The following PDCD6IP variants were observed in gnomAD, a reference collection of about 807,000 sequenced individuals.
The protein encoded by PDCD6IP is programmed cell death 6-interacting protein.
PDCD6IP carries 43 observed loss-of-function variants against 103.7 expected under a neutral mutation model. The observed-to-expected ratio is 0.41, with a 90% confidence interval of 0.32 to 0.53. The LOEUF (loss-of-function observed/expected upper bound fraction) is 0.53, where lower values mean the gene tolerates loss of function less well. Ranked by LOEUF, PDCD6IP falls within the 20% of genes least tolerant of loss-of-function variation. PDCD6IP has a pLI of 0.16. For synonymous variants in PDCD6IP, 354 were observed against 378.7 expected, an observed-to-expected ratio of 0.93 and a Z score of 0.76; for missense variants, 871 against 1,036.7, an observed-to-expected ratio of 0.84 and a Z score of 2.20.
intron 1 of PDCD6IP, among the ~76,000 whole-genome samples, chr3:33,808,366 T>C (rs1478367076): frequency 1.3e-5 from 2 of 152,196 alleles, no homozygotes; most frequent in East Asian, 1.9e-4. Context: ...CTTGACCTCC[T>C]GGGCTCAAGT....
Position 33,852,590 on chromosome 3 carries a change from A to G in PDCD6IP, c.1744A>G (p.Ser582Gly). 1 of 1,597,630 alleles carries G rather than the reference A, an allele frequency of 6.3e-7. No individual in the cohort carries two copies. Among genetic ancestry groups the G allele is most frequent in the Middle Eastern group, 1.7e-4 (1 of 5,936 alleles). ...DLKSVNFDMT[S>G]KFLTALAQDG... ...GAAATCTGTGAATTTTGACATGACA[A>G]GCAAGTTTTTGACAGCCCTGGCTCA... is the stretch of plus-strand genomic sequence containing the variant. The change falls in exon 13 of 18, where the codon AGC becomes GGC. Residue 582 changes from serine (S) to glycine (G), a missense_variant. Ser to Gly is a moderately conservative substitution (Grantham distance 56). Around this residue, in one of 5 missense-constraint regions of PDCD6IP, gnomAD observed 266 missense variants for 390.5 expected, o/e 0.68. Transcript: ENST00000307296.
intron 12 of PDCD6IP, among the ~76,000 whole-genome samples, chr3:33,848,259 A>G (rs1697637329): frequency 6.6e-6 from 1 of 151,954 alleles, no homozygotes; most frequent in African/African-American, 2.4e-5. Context: ...GAGACAAAAA[A>G]CTCCTCTAGG....
chr3:33,847,977 C>A (rs4679091), intron 12 of PDCD6IP, among the ~76,000 whole-genome samples: 21,169 of 150,080 alleles, frequency 0.14, 1,923 homozygotes, highest in East Asian at 0.39. Context: ...GAGGGGGTAC[C>A]TTTAAAAAAA....
At chr3:33,829,855 C>G (rs1265415621) in intron 7 of PDCD6IP, among the ~76,000 whole-genome samples, 1 of 152,102 alleles carries the variant, frequency 6.6e-6, no homozygotes, top group Non-Finnish European at 1.5e-5. Context: ...TATCAAGGTG[C>G]TGGCATCTGG....
intron 15 of PDCD6IP, among the ~76,000 whole-genome samples, chr3:33,863,061 T>A (rs1274660109): frequency 6.6e-6 from 1 of 152,208 alleles, no homozygotes; most frequent in East Asian, 1.9e-4. Context: ...ATTTTGTTTT[T>A]TTCAGTTTTT....
intron 1 of PDCD6IP, chr3:33,811,144 C>T (rs562494892): frequency 2.4e-6 from 1 of 416,740 alleles, no homozygotes; most frequent in South Asian, 1.8e-5. Context: ...CTCAGCCTCC[C>T]AGAGTGCTAG....
chr3:33,847,056 G>T (rs1383884024), intron 12 of PDCD6IP, among the ~76,000 whole-genome samples: 1 of 152,202 alleles, frequency 6.6e-6, no homozygotes, highest in Non-Finnish European at 1.5e-5. Flanking sequence ...GTGGTCAGAA[G>T]ATTAACTTGT....
rs557906315 is a variant in PDCD6IP at position 33,868,005 on chromosome 3, G to T, written c.*1480G>T. The stretch of plus-strand genomic sequence containing the variant: ...ATATGTATATTTTAAACTTTGTTGT[G>T]TGTAGGAAACATGAAGGCATGTTAA... On this transcript the variant is annotated 3_prime_UTR_variant, in exon 18 of 18. Transcript: ENST00000307296. The T allele has an allele frequency of 4.6e-5, 7 of 152,294 alleles. No homozygotes were observed. The South Asian group carries it at 1.4e-3, about 32-fold the overall frequency. The allele number at this position is 152,294 out of a possible 1,614,324, so 9.4% of individuals were successfully genotyped here. A position where few individuals can be genotyped will look rare whatever the true frequency, so the allele number is the denominator to read the frequency against.
intron 3 of PDCD6IP, 42 bp from the exon 4 acceptor site, chr3:33,821,913 A>G: frequency 6.4e-7 from 1 of 1,572,790 alleles, no homozygotes; most frequent in Non-Finnish European, 8.7e-7. Context: ...TTTTCTTTAG[A>G]AAAAATAATC....
At chr3:33,839,152 A>G (rs761882762) in intron 9 of PDCD6IP, among the ~76,000 whole-genome samples, 2 of 152,202 alleles carry the variant, frequency 1.3e-5, no homozygotes. Flanking sequence ...AACCGGCACT[A>G]TGATTAAGTT....
chr3:33,860,590 G>T (rs1297203551), intron 15 of PDCD6IP, among the ~76,000 whole-genome samples: 1 of 152,130 alleles, frequency 6.6e-6, no homozygotes, highest in East Asian at 1.9e-4. Flanking sequence ...TAACTTGTAA[G>T]AACATAGATT....
intron 15 of PDCD6IP, among the ~76,000 whole-genome samples, chr3:33,857,492 T>TA (rs914147551): frequency 2.6e-5 from 4 of 152,104 alleles, no homozygotes; most frequent in African/African-American, 4.8e-5. Flanking sequence ...GTCTTAATGA[T>TA]AAAAAAACCT....
At chr3:33,839,503 T>C (rs1183276635) in intron 9 of PDCD6IP, among the ~76,000 whole-genome samples, 1 of 125,002 alleles carries the variant, frequency 8.0e-6, no homozygotes, top group African/African-American at 3.0e-5. Context: ...CAGTATTCCA[T>C]TTTATGGTTA....
intron 1 of PDCD6IP, among the ~76,000 whole-genome samples, chr3:33,806,738 A>T (rs1292436861): frequency 2.0e-5 from 3 of 152,182 alleles, no homozygotes; most frequent in East Asian, 3.9e-4. Flanking sequence ...GTTTCTGTGG[A>T]TTCCCTATCT....
At chr3:33,841,825 A>C (rs1039727218) in intron 9 of PDCD6IP, 72 bp from the exon 10 acceptor site, 19 of 990,190 alleles carry the variant, frequency 1.9e-5, no homozygotes, top group Middle Eastern at 2.5e-4. Flanking sequence ...ATACTAAATT[A>C]AATAAAGTAA....
chr3:33,822,578 T>C (rs1697017143), intron 4 of PDCD6IP, among the ~76,000 whole-genome samples: 1 of 152,232 alleles, frequency 6.6e-6, no homozygotes, highest in Non-Finnish European at 1.5e-5. Context: ...CACATAATGT[T>C]CATAAGTTGC....
At chr3:33,821,862 C>T (rs553568564) in intron 3 of PDCD6IP, 93 bp from the exon 4 acceptor site, 21 of 1,191,902 alleles carry the variant, frequency 1.8e-5, no homozygotes, top group Admixed American at 7.6e-5. Context: ...TGAGAGTCAG[C>T]GGGATGAGAG....
intron 3 of PDCD6IP, among the ~76,000 whole-genome samples, chr3:33,814,738 C>CAT (rs1248903625): frequency 2.1e-5 from 3 of 143,956 alleles, no homozygotes; most frequent in Admixed American, 1.4e-4. Flanking sequence ...GTATTATATA[C>CAT]ATATATGTAT....
Position 33,821,983 on chromosome 3 carries a change from C to G in PDCD6IP, c.363C>G (p.Ser121Arg). The G allele has an allele frequency of 6.2e-7, 1 of 1,613,842 alleles. No homozygotes were observed. Among genetic ancestry groups the G allele is most frequent in the Non-Finnish European group, 8.5e-7 (1 of 1,179,826 alleles). Reference sequence around the variant, plus strand: ...TTGCAAGCTTAGGATATGAAAAGAGCTGTGTGTTGTTCAATTGTGCAGCCT... The same window carrying G: ...TTGCAAGCTTAGGATATGAAAAGAGGTGTGTGTTGTTCAATTGTGCAGCCT... ...LALASLGYEK[S>R]CVLFNCAALA... Residue 121 changes from serine to arginine, a missense_variant, in exon 4 of 18, where the codon AGC becomes AGG. Physicochemically the swap from Ser to Arg is moderately radical, Grantham distance 110. Around this residue, in one of 5 missense-constraint regions of PDCD6IP, gnomAD observed 47 missense variants for 83.7 expected, o/e 0.56. Coordinates refer to ENST00000307296, the MANE Select transcript of PDCD6IP (RefSeq NM_013374.6).
Sources: gnomAD v4.1 joint callset for allele counts (sites outside exome capture counted in the v4.1 genomes callset) on GRCh38, gnomAD v4.1.1 for gene constraint, gnomAD v4.1.1 regional missense constraint, MANE v1.5 for transcripts, NCBI Gene and HGNC (gene_info 2026-07-23, HGNC 2026-07-21) for gene names.